Variants in SYNPO2 observed in about 807,000 individuals in gnomAD.
SYNPO2 encodes the protein synaptopodin 2.
Under a neutral mutation model 85.0 loss-of-function variants are expected in SYNPO2, and 56 were observed. That is an observed-to-expected ratio of 0.66 (90% confidence interval 0.53 to 0.82). The LOEUF (loss-of-function observed/expected upper bound fraction) is 0.82. Ranked by LOEUF, SYNPO2 falls within the 40% of genes least tolerant of loss-of-function variation. The pLI is 0.00. For synonymous variants in SYNPO2, 602 were observed against 591.1 expected (o/e 1.02, Z -0.27); for missense variants, 1,575 against 1,534.2 (o/e 1.03, Z -0.44).
chr4:118,933,197 G>A (rs1306601001), intron 1 of SYNPO2, among the ~76,000 whole-genome samples: 4 of 152,162 alleles, frequency 2.6e-5, no homozygotes, highest in African/African-American at 7.2e-5. Flanking sequence ...ATAGGTTTCC[G>A]AAGTTGGACT....
chr4:118,864,780 G>C (rs1252498514), intron 1 of SYNPO2, among the ~76,000 whole-genome samples: 1 of 151,866 alleles, frequency 6.6e-6, no homozygotes, highest in Non-Finnish European at 1.5e-5. Context: ...TCTTTTTCTG[G>C]CTTTCATTAG....
Position 118,966,912 on chromosome 4 carries a change from G to T in SYNPO2, c.106-56518G>T, listed in dbSNP as rs2149152421. The stretch of plus-strand genomic sequence containing the variant: ...TTCCTTACAAAGCTCTGAATGATTA[G>T]TTAATAACATGGTAGTTTTTAAGGA... On this transcript the variant is annotated intron_variant, in intron 1 of 4. Transcript: ENST00000307142. Among the ~76,000 whole-genome samples, 4 of 152,270 alleles carry T rather than the reference G, an allele frequency of 2.6e-5. No individual in the cohort carries two copies. The South Asian group carries it at 8.3e-4, about 32-fold the overall frequency.
intron 1 of SYNPO2, among the ~76,000 whole-genome samples, chr4:118,981,122 C>G (rs1321463179): frequency 6.6e-6 from 1 of 152,194 alleles, no homozygotes; most frequent in Non-Finnish European, 1.5e-5. Flanking sequence ...ATTTTCCATG[C>G]AAAAATCTTT....
chr4:118,916,738 T>TTC (rs2149126534), intron 1 of SYNPO2, among the ~76,000 whole-genome samples: 1 of 146,340 alleles, frequency 6.8e-6, no homozygotes, highest in East Asian at 2.0e-4. Flanking sequence ...TCTTTTTTTT[T>TTC]TTTTTTTTTC....
chr4:118,885,265 A>G (rs901266834), upstream of SYNPO2, among the ~76,000 whole-genome samples: 2 of 152,168 alleles, frequency 1.3e-5, no homozygotes, highest in East Asian at 1.9e-4. Context: ...GATTTGAACT[A>G]TAGGAAAAAT....
chr4:119,026,021 C>T (rs1304482774), intron 2 of SYNPO2, among the ~76,000 whole-genome samples: 1 of 152,152 alleles, frequency 6.6e-6, no homozygotes, highest in Non-Finnish European at 1.5e-5. Context: ...ATAAATACTC[C>T]ATGACTTAAT....
intron 1 of SYNPO2, among the ~76,000 whole-genome samples, chr4:118,991,231 T>C (rs1045187164): frequency 2.6e-5 from 4 of 152,150 alleles, no homozygotes; most frequent in Non-Finnish European, 5.9e-5. Context: ...CACTGCAACC[T>C]CTGCTTCCCA....
intron 1 of SYNPO2, among the ~76,000 whole-genome samples, chr4:118,976,832 C>G (rs1382367161): frequency 6.6e-6 from 1 of 151,444 alleles, no homozygotes; most frequent in Non-Finnish European, 1.5e-5. Context: ...AGGTTCTCCA[C>G]GTCCTCACCA....
At chr4:118,896,471 A>G (rs1286272266) in intron 1 of SYNPO2, among the ~76,000 whole-genome samples, 1 of 152,242 alleles carries the variant, frequency 6.6e-6, no homozygotes, top group Non-Finnish European at 1.5e-5. Flanking sequence ...AAACAGATTC[A>G]TTAAAGAATT....
chr4:118,908,803 T>G (rs1385690722), intron 1 of SYNPO2, among the ~76,000 whole-genome samples: 1 of 152,152 alleles, frequency 6.6e-6, no homozygotes, highest in Non-Finnish European at 1.5e-5. Context: ...CCGTTGAAAT[T>G]TGGATCTTGT....
chr4:119,027,208 G>A lies in SYNPO2; in HGVS notation c.839G>A (p.Gly280Glu). The change falls in exon 3 of 5, where the codon GGA becomes GAA. Residue 280 changes from glycine to glutamate, a missense_variant. Gly to Glu is a moderately conservative substitution (Grantham distance 98). Coordinates refer to ENST00000307142, the MANE Select transcript of SYNPO2 (RefSeq NM_133477.3). ...VIQESEAGDAGLPRVEVILDC... is the reference protein window; with the variant it reads ...VIQESEAGDAELPRVEVILDC... ...CAGGAAAGTGAAGCAGGAGATGCGG[G>A]ACTGCCCCGGGTGGAAGTGATCCTC... 6.2e-7 allele frequency: 1 copy of A among 1,614,168 alleles called. No homozygotes were observed. The highest frequency in any genetic ancestry group is 1.1e-5 in the South Asian group (1 of 91,068).
At position 119,013,698 on chromosome 4, in the gene SYNPO2, G is replaced by T. The variant is rs534046553; in HGVS notation, c.106-9732G>T. On this transcript the variant is annotated intron_variant, in intron 1 of 4. Transcript: ENST00000307142. ...AGACTTCTCTGATGAGATCATTGGT[G>T]GTATTGAGAGTGATTGTTTGATATT... Among the ~76,000 whole-genome samples, 6 of 152,258 alleles carry T rather than the reference G, an allele frequency of 3.9e-5. No individual in the cohort carries two copies. The South Asian group carries it at 1.2e-3, about 32-fold the overall frequency.
chr4:119,038,182 T>G, intron 4 of SYNPO2: 13 of 985,410 alleles, frequency 1.3e-5, no homozygotes, highest in South Asian at 4.7e-5. Context: ...TCCCTGAGAC[T>G]GCTTAATTGT....
intron 1 of SYNPO2, among the ~76,000 whole-genome samples, chr4:118,948,797 C>G (rs1158393032): frequency 6.6e-6 from 1 of 152,176 alleles, no homozygotes; most frequent in Non-Finnish European, 1.5e-5. Context: ...CCAGACACCT[C>G]CCACTAGGCC....
At chr4:118,894,243 T>C (rs1732472213) in intron 1 of SYNPO2, among the ~76,000 whole-genome samples, 1 of 152,058 alleles carries the variant, frequency 6.6e-6, no homozygotes, top group Admixed American at 6.6e-5. Context: ...GCCTCTCTCC[T>C]AGTCAAGTTA....
At chr4:119,022,728 T>G (rs201571306) in intron 1 of SYNPO2, among the ~76,000 whole-genome samples, 702 of 44,034 alleles carry the variant, frequency 0.016, 7 homozygotes, top group African/African-American at 0.037. Context: ...TATTTTAATT[T>G]TATTTTATTT....
chr4:118,955,022 CAG>C lies in SYNPO2; in HGVS notation c.105+65884_105+65885del, dbSNP rs1262336356. Among the ~76,000 whole-genome samples the C allele has an allele frequency of 1.1e-4, 15 of 131,110 alleles. No homozygotes were observed. The East Asian group carries it at 3.4e-3, about 29-fold the overall frequency. The allele number at this position is 131,110 out of a possible 152,430, so 86.0% of individuals were successfully genotyped here. A position where few individuals can be genotyped will look rare whatever the true frequency, so the allele number is the denominator to read the frequency against. The stretch of plus-strand genomic sequence containing the variant: ...TTTTTTTTTTTTTTTTTTTTTTACA[CAG>C]AGTCTCACTCTATCACCTAGGCTAC... On this transcript the variant is annotated intron_variant, in intron 1 of 4. Transcript: ENST00000307142.
At chr4:119,020,363 C>T (rs191088815) in intron 1 of SYNPO2, among the ~76,000 whole-genome samples, 3 of 152,296 alleles carry the variant, frequency 2.0e-5, no homozygotes, top group Admixed American at 2.0e-4. Context: ...TACCATGATG[C>T]ACTGGCTTAT....
chr4:119,048,740 G>T (rs531644026), intron 4 of SYNPO2, among the ~76,000 whole-genome samples: 170 of 152,286 alleles, frequency 1.1e-3, no homozygotes, highest in Middle Eastern at 6.8e-3. Flanking sequence ...TGTGTTCAAG[G>T]TTCAAGGCCA....
Sources: gnomAD v4.1 joint callset for allele counts (sites outside exome capture counted in the v4.1 genomes callset) on GRCh38, gnomAD v4.1.1 for gene constraint, MANE v1.5 for transcripts, NCBI Gene and HGNC (gene_info 2026-07-23, HGNC 2026-07-21) for gene names.